The following DIAPH3 variants were observed in gnomAD, a reference collection of about 807,000 sequenced individuals.
The protein encoded by DIAPH3 is protein diaphanous homolog 3.
In DIAPH3, 117 loss-of-function variants were observed where a neutral mutation model predicts 144.3. That is an observed-to-expected ratio of 0.81 (90% CI 0.70 to 0.95). The LOEUF (loss-of-function observed/expected upper bound fraction) is 0.95, where lower values mean the gene tolerates loss of function less well. DIAPH3 is among the 40% of genes least tolerant of loss of function. The pLI is 0.00. For synonymous variants in DIAPH3, 519 were observed against 488.9 expected (o/e 1.06, Z -0.81); for missense variants, 1,421 against 1,412.7 (o/e 1.01, Z -0.09).
chr13:60,143,653 AT>A (rs1336421462), intron 1 of DIAPH3, among the ~76,000 whole-genome samples: 1 of 152,092 alleles, frequency 6.6e-6, no homozygotes, highest in Non-Finnish European at 1.5e-5. Context: ...ATCTAAATCC[AT>A]TTTAAATGTG....
At chr13:60,002,522 CT>C (rs2052585319) in intron 9 of DIAPH3, among the ~76,000 whole-genome samples, 1 of 152,142 alleles carries the variant, frequency 6.6e-6, no homozygotes, top group East Asian at 1.9e-4. Flanking sequence ...CAATAAAATC[CT>C]TTGTTTTTAA....
intron 22 of DIAPH3, among the ~76,000 whole-genome samples, chr13:59,846,471 G>C (rs1475743427): frequency 6.6e-6 from 1 of 152,124 alleles, no homozygotes; most frequent in Non-Finnish European, 1.5e-5. Flanking sequence ...AAATTATTTA[G>C]TTTCAGGCTC....
chr13:59,786,800 T>G (rs2039055654), intron 25 of DIAPH3, among the ~76,000 whole-genome samples: 1 of 152,162 alleles, frequency 6.6e-6, no homozygotes, highest in African/African-American at 2.4e-5. Context: ...TGTGGTCAAA[T>G]AAGTTTGGAT....
chr13:59,989,895 T>C (rs937826561), intron 12 of DIAPH3, among the ~76,000 whole-genome samples: 1 of 151,802 alleles, frequency 6.6e-6, no homozygotes, highest in Non-Finnish European at 1.5e-5. Context: ...TCAAACAGCA[T>C]CAAACTTCCA....
intron 8 of DIAPH3, among the ~76,000 whole-genome samples, chr13:60,010,064 C>T (rs2053140913): frequency 6.6e-6 from 1 of 152,028 alleles, no homozygotes. Flanking sequence ...GGACTTTGTA[C>T]CCTCAACCAG....
chr13:59,821,934 G>A (rs186441166), intron 24 of DIAPH3, among the ~76,000 whole-genome samples: 24 of 152,282 alleles, frequency 1.6e-4, no homozygotes, highest in African/African-American at 5.3e-4. Flanking sequence ...CAAAGGATGT[G>A]CAGGTGCTGA....
chr13:59,865,034 T>C (rs2043833049), intron 21 of DIAPH3, among the ~76,000 whole-genome samples: 1 of 152,044 alleles, frequency 6.6e-6, no homozygotes, highest in Admixed American at 6.6e-5. Context: ...TAAACTACTA[T>C]GCAGCTCTAA....
chr13:59,819,912 A>T (rs1471799146), intron 24 of DIAPH3, among the ~76,000 whole-genome samples: 1 of 151,994 alleles, frequency 6.6e-6, no homozygotes, highest in Non-Finnish European at 1.5e-5. Context: ...CTCTACTGTA[A>T]CATGGACAAA....
intron 21 of DIAPH3, among the ~76,000 whole-genome samples, chr13:59,874,182 CCA>C (rs941833908): frequency 2.6e-5 from 4 of 152,124 alleles, no homozygotes; most frequent in Non-Finnish European, 5.9e-5. Flanking sequence ...TTTAAAAATG[CCA>C]CCAATCAGGA....
At chr13:59,989,411 A>T (rs912735052) in intron 12 of DIAPH3, among the ~76,000 whole-genome samples, 1 of 151,864 alleles carries the variant, frequency 6.6e-6, no homozygotes, top group African/African-American at 2.4e-5. Flanking sequence ...TTAAAGAAAT[A>T]TTAACAACAA....
intron 1 of DIAPH3, among the ~76,000 whole-genome samples, chr13:60,147,506 C>T (rs1337645): frequency 0.4 from 61,272 of 151,960 alleles, 12,816 homozygotes; most frequent in Admixed American, 0.52. Context: ...CTATAACTGA[C>T]ACTGATCTAA....
At chr13:60,028,689 G>A (rs2054560947) in intron 5 of DIAPH3, among the ~76,000 whole-genome samples, 1 of 152,096 alleles carries the variant, frequency 6.6e-6, no homozygotes, top group African/African-American at 2.4e-5. Flanking sequence ...GTAAGCTCCA[G>A]ACTCACACAT....
chr13:59,929,505 T>C (rs544001021), intron 17 of DIAPH3, among the ~76,000 whole-genome samples: 3 of 151,752 alleles, frequency 2.0e-5, no homozygotes, highest in Non-Finnish European at 4.4e-5. Flanking sequence ...TATGATACGT[T>C]TTATTCATTG....
chr13:59,857,104 T>G (rs1028866609), intron 22 of DIAPH3, among the ~76,000 whole-genome samples: 1 of 152,186 alleles, frequency 6.6e-6, no homozygotes, highest in Non-Finnish European at 1.5e-5. Flanking sequence ...TAATACTGAT[T>G]ATTCAAAATA....
chr13:59,800,802 T>A (rs1489217903), intron 25 of DIAPH3, among the ~76,000 whole-genome samples: 1 of 152,128 alleles, frequency 6.6e-6, no homozygotes, highest in Non-Finnish European at 1.5e-5. Context: ...TCATAAACAA[T>A]ATTTTCATCT....
chr13:59,890,602 T>C (rs2045727613), intron 20 of DIAPH3, among the ~76,000 whole-genome samples: 1 of 152,094 alleles, frequency 6.6e-6, no homozygotes, highest in Non-Finnish European at 1.5e-5. Context: ...AAAAAAATCC[T>C]GTACCCAAAT....
At chr13:59,668,393 T>C (rs1405745787) in intron 27 of DIAPH3, among the ~76,000 whole-genome samples, 1 of 152,230 alleles carries the variant, frequency 6.6e-6, no homozygotes, top group Non-Finnish European at 1.5e-5. Flanking sequence ...TGCAAACCAC[T>C]ACATCATGAT....
chr13:59,787,157 C>T (rs1234077586), intron 25 of DIAPH3, among the ~76,000 whole-genome samples: 1 of 152,072 alleles, frequency 6.6e-6, no homozygotes, highest in Non-Finnish European at 1.5e-5. Context: ...ATATCAAATA[C>T]ACATGACAAG....
chr13:59,805,739 T>TGAAAATAG (rs907154156), intron 25 of DIAPH3, among the ~76,000 whole-genome samples: 3 of 151,996 alleles, frequency 2.0e-5, no homozygotes, highest in African/African-American at 7.2e-5. Flanking sequence ...CACTATAACA[T>TGAAAATAG]GAAAATAGGA....
Sources: gnomAD v4.1 joint callset for allele counts (sites outside exome capture counted in the v4.1 genomes callset) on GRCh38, gnomAD v4.1.1 for gene constraint, MANE v1.5 for transcripts, NCBI Gene and HGNC (gene_info 2026-07-23, HGNC 2026-07-21) for gene names.